Variants in FYB2 observed in about 807,000 individuals in gnomAD.
FYB2 encodes FYN binding protein 2.
A neutral mutation model predicts 94.1 loss-of-function variants in FYB2; 103 were observed. That is an observed-to-expected ratio of 1.09 (90% confidence interval 0.93 to 1.29). The LOEUF (loss-of-function observed/expected upper bound fraction) is 1.29. Ranked by LOEUF, FYB2 falls within the 50% of genes most tolerant of loss-of-function variation. The pLI is 0.00. For synonymous variants in FYB2, 293 were observed against 287.9 expected (o/e 1.02, Z -0.18); for missense variants, 896 against 841.5 (o/e 1.06, Z -0.80).
chr1:56,810,339 C>T (rs1437541185), intron 1 of FYB2, among the ~76,000 whole-genome samples: 2 of 152,010 alleles, frequency 1.3e-5, no homozygotes, highest in African/African-American at 2.4e-5. Context: ...CCAGTCTGTA[C>T]CCCTTGGCTC....
At chr1:56,780,695 C>G (rs1645988527) in intron 4 of FYB2, among the ~76,000 whole-genome samples, 1 of 151,660 alleles carries the variant, frequency 6.6e-6, no homozygotes, top group African/African-American at 2.4e-5. Context: ...GGAAAGTGCT[C>G]AATAAATAGA....
chr1:56,757,687 C>CTTCTTTCTTTCTTTCT lies in FYB2; in HGVS notation c.1098+1013_1098+1028dup, dbSNP rs1191302491. Among the ~76,000 whole-genome samples, 300 of 71,910 alleles carry CTTCTTTCTTTCTTTCT rather than the reference C, an allele frequency of 4.2e-3. 6 individuals carry two copies. The highest frequency in any genetic ancestry group is 5.6e-3 in the Non-Finnish European group (219 of 39,056). 47.2% of individuals were successfully genotyped at this position (71,910 alleles called of 152,430 possible). Reference sequence around the variant, plus strand: ...TCTTTCTTTCCTCTTTCCTTCCTTCCTTCTTTCTTTCTTTCTTTCTTTCTT... The same window carrying CTTCTTTCTTTCTTTCT: ...TCTTTCTTTCCTCTTTCCTTCCTTCCTTCTTTCTTTCTTTCTTTCTTTCTTTCTTTCTTTCTTTCTT... On this transcript the variant is annotated intron_variant, in intron 6 of 19. Transcript: ENST00000343433.
intron 1 of FYB2, 33 bp from the exon 2 acceptor site, chr1:56,792,836 AAACAAAAACAAACAAACAACAAC>A (rs747011956): frequency 2.6e-6 from 4 of 1,539,568 alleles, no homozygotes; most frequent in Admixed American, 2.0e-5. Context: ...AAACAAACAA[AAACAAAAACAAACAAACAACAAC>A]AACAAAAACA....
chr1:56,797,256 G>A (rs1245689199), intron 1 of FYB2, among the ~76,000 whole-genome samples: 1 of 152,162 alleles, frequency 6.6e-6, no homozygotes, highest in Non-Finnish European at 1.5e-5. Context: ...AGTGTATGAG[G>A]CTGGAGAAGA....
chr1:56,768,235 C>A (rs1166183266), intron 4 of FYB2, among the ~76,000 whole-genome samples: 2 of 152,154 alleles, frequency 1.3e-5, no homozygotes, highest in Non-Finnish European at 2.9e-5. Flanking sequence ...GAACTGCAGT[C>A]AAGGAACACA....
At chr1:56,803,941 C>A (rs952467845) in intron 1 of FYB2, among the ~76,000 whole-genome samples, 1 of 152,200 alleles carries the variant, frequency 6.6e-6, no homozygotes, top group Non-Finnish European at 1.5e-5. Context: ...CCTCTTCTGG[C>A]AATTGTTCTT....
At chr1:56,822,072 T>G (rs1646996285), upstream of FYB2, among the ~76,000 whole-genome samples, 1 of 152,214 alleles carries the variant, frequency 6.6e-6, no homozygotes, top group Non-Finnish European at 1.5e-5. Context: ...AAGGTTCACT[T>G]AATCATGTAT....
At chr1:56,787,405 G>T (rs1217264668) in intron 3 of FYB2, among the ~76,000 whole-genome samples, 197 bp from the exon 4 acceptor site, 1 of 152,178 alleles carries the variant, frequency 6.6e-6, no homozygotes, top group East Asian at 1.9e-4. Flanking sequence ...ACACTTTACA[G>T]TACAATTTCT....
In FYB2 at chr1:56,720,173, A is replaced by G; in HGVS notation, c.2131T>C (p.Tyr711His). ...ATGAAAGATAAGCAAATAAACTTACATTTGCCTTTAGAATTACGACATATC... is the reference window on the plus strand; with the variant it reads ...ATGAAAGATAAGCAAATAAACTTACGTTTGCCTTTAGAATTACGACATATC... ...LVICRNSKGKYGYVLIEHLDF... is the reference protein window; with the variant it reads ...LVICRNSKGKHGYVLIEHLDF... The change falls in exon 18 of 20, where the codon TAT becomes CAT. Residue 711 changes from tyrosine to histidine, a missense_variant and splice_region_variant. By Grantham distance (83) the Tyr-to-His change is moderately conservative. Transcript: ENST00000343433. 1 of 1,605,794 alleles carries G rather than the reference A, an allele frequency of 6.2e-7. No individual in the cohort carries two copies. Among genetic ancestry groups the G allele is most frequent in the Non-Finnish European group, 8.5e-7 (1 of 1,177,046 alleles).
intron 18 of FYB2, 36 bp from the exon 19 acceptor site, chr1:56,720,091 TATA>T: frequency 6.3e-7 from 1 of 1,593,852 alleles, no homozygotes; most frequent in Non-Finnish European, 8.5e-7. Flanking sequence ...ATTTGAAAGT[TATA>T]GAGAAAATGT....
intron 1 of FYB2, among the ~76,000 whole-genome samples, chr1:56,816,863 CTTT>C (rs11415687): frequency 7.1e-6 from 1 of 140,152 alleles, no homozygotes; most frequent in Admixed American, 7.1e-5. Context: ...CAACAATTTT[CTTT>C]TTTTTTTTTT....
chr1:56,773,581 A>G (rs938222611), intron 4 of FYB2, among the ~76,000 whole-genome samples: 2 of 152,166 alleles, frequency 1.3e-5, no homozygotes, highest in African/African-American at 4.8e-5. Context: ...AAAATGCCTG[A>G]CAGGCGAGTT....
intron 4 of FYB2, among the ~76,000 whole-genome samples, chr1:56,774,346 C>T (rs1645827261): frequency 6.6e-6 from 1 of 152,066 alleles, no homozygotes. Flanking sequence ...ATAATTTATG[C>T]CATGCTTAGC....
At chr1:56,726,294 T>C (rs764631703) in intron 16 of FYB2, among the ~76,000 whole-genome samples, 3 of 152,102 alleles carry the variant, frequency 2.0e-5, no homozygotes, top group Non-Finnish European at 2.9e-5. Context: ...ATGATGAAGA[T>C]ACATGGGTAT....
chr1:56,742,508 C>A (rs1644978424), intron 11 of FYB2, among the ~76,000 whole-genome samples: 1 of 151,876 alleles, frequency 6.6e-6, no homozygotes, highest in African/African-American at 2.4e-5. Context: ...TCCTTCCTTC[C>A]ACCCTCCCTC....
chr1:56,738,364 A>G (rs1259602524), intron 14 of FYB2, among the ~76,000 whole-genome samples: 1 of 152,146 alleles, frequency 6.6e-6, no homozygotes, highest in African/African-American at 2.4e-5. Flanking sequence ...TTCTCTAAAA[A>G]GGGATGATAA....
At chr1:56,753,453 G>T (rs1308174097) in intron 8 of FYB2, among the ~76,000 whole-genome samples, 1 of 152,108 alleles carries the variant, frequency 6.6e-6, no homozygotes, top group Non-Finnish European at 1.5e-5. Context: ...TTCATTTATA[G>T]ATGAGGTAAC....
At chr1:56,730,970 C>T (rs1298343896) in intron 15 of FYB2, among the ~76,000 whole-genome samples, 2 of 151,984 alleles carry the variant, frequency 1.3e-5, no homozygotes, top group Non-Finnish European at 2.9e-5. Flanking sequence ...AATGCAAGAA[C>T]ATATTAGTGG....
intron 4 of FYB2, among the ~76,000 whole-genome samples, chr1:56,773,982 C>T (rs574483510): frequency 3.8e-4 from 58 of 152,064 alleles, no homozygotes; most frequent in Non-Finnish European, 4.9e-4. Flanking sequence ...TAGCCCTTCA[C>T]CCTAAGAAAT....
Sources: gnomAD v4.1 joint callset for allele counts (sites outside exome capture counted in the v4.1 genomes callset) on GRCh38, gnomAD v4.1.1 for gene constraint, MANE v1.5 for transcripts, NCBI Gene and HGNC (gene_info 2026-07-23, HGNC 2026-07-21) for gene names.